The following PARD3B variants were observed in gnomAD, a reference collection of about 807,000 sequenced individuals.
PARD3B encodes par-3 family cell polarity regulator beta.
Under a neutral mutation model 130.2 loss-of-function variants are expected in PARD3B, and 103 were observed. The observed-to-expected ratio is 0.79, with a 90% confidence interval of 0.67 to 0.93. The LOEUF (loss-of-function observed/expected upper bound fraction) is 0.93. Among genes scored for constraint, PARD3B ranks in the 40% least tolerant of loss-of-function variants. The probability of loss-of-function intolerance (pLI) is 0.00; values close to 1 mark genes in which losing one functional copy is unlikely to be tolerated. For missense variants in PARD3B, 1,609 were observed against 1,499.2 expected (o/e 1.07, Z -1.21); for synonymous variants, 583 against 553.2 (o/e 1.05, Z -0.76).
chr2:205,084,648 G>A (rs928732096), intron 4 of PARD3B, among the ~76,000 whole-genome samples: 29 of 151,872 alleles, frequency 1.9e-4, no homozygotes, highest in African/African-American at 5.8e-4. Context: ...TGTTATGTAT[G>A]TTGTTTAGGT....
intron 19 of PARD3B, among the ~76,000 whole-genome samples, chr2:205,410,330 T>G (rs568934897): frequency 2.0e-5 from 3 of 152,302 alleles, no homozygotes; most frequent in African/African-American, 7.2e-5. Flanking sequence ...GAGAAGAGCA[T>G]TTTCTGTGAA....
At chr2:205,013,109 C>A (rs1207726332) in intron 3 of PARD3B, among the ~76,000 whole-genome samples, 8 of 152,200 alleles carry the variant, frequency 5.3e-5, no homozygotes, top group Non-Finnish European at 1.5e-5. Flanking sequence ...CTTTCCTCTC[C>A]CTTCTTGATT....
At chr2:205,169,197 C>A (rs1312335103) in intron 11 of PARD3B, among the ~76,000 whole-genome samples, 2 of 152,112 alleles carry the variant, frequency 1.3e-5, no homozygotes, top group African/African-American at 4.8e-5. Context: ...ACACCAATAA[C>A]AACAGACCAG....
chr2:204,971,488 A>G (rs994511815), intron 3 of PARD3B, among the ~76,000 whole-genome samples: 9 of 152,222 alleles, frequency 5.9e-5, no homozygotes, highest in Non-Finnish European at 1.5e-5. Flanking sequence ...AATTGCGTAG[A>G]TGAATTCATA....
Position 204,640,930 on chromosome 2 carries a change from G to C in PARD3B, c.121-45251G>C, listed in dbSNP as rs900648344. Among the ~76,000 whole-genome samples, 20 of 147,354 alleles carry C rather than the reference G, an allele frequency of 1.4e-4. No individual in the cohort carries two copies. The South Asian group carries it at 4.2e-3, about 31-fold the overall frequency. On this transcript the variant is annotated intron_variant, in intron 1 of 22. Transcript: ENST00000406610. ...TATATATATATTTACTATATATAATGTATATTTACTATGTATAATATATTT... is the reference window on the plus strand; with the variant it reads ...TATATATATATTTACTATATATAATCTATATTTACTATGTATAATATATTT...
At chr2:204,884,453 CT>C (rs2046196638) in intron 2 of PARD3B, among the ~76,000 whole-genome samples, 1 of 152,200 alleles carries the variant, frequency 6.6e-6, no homozygotes, top group African/African-American at 2.4e-5. Context: ...AGAATGTTCT[CT>C]TTTTTTCAAC....
At chr2:205,304,528 G>A (rs953012525) in intron 18 of PARD3B, among the ~76,000 whole-genome samples, 1 of 151,746 alleles carries the variant, frequency 6.6e-6, no homozygotes, top group Non-Finnish European at 1.5e-5. Flanking sequence ...CCAGCTACTC[G>A]GGAGGCTGAG....
At chr2:204,696,104 G>A (rs901924142) in intron 2 of PARD3B, among the ~76,000 whole-genome samples, 4 of 152,004 alleles carry the variant, frequency 2.6e-5, no homozygotes, top group South Asian at 4.2e-4. Flanking sequence ...GAGTAACAGC[G>A]GGTTCTATAA....
chr2:205,150,252 T>TGTGTGTGTGC (rs375301293), intron 10 of PARD3B, among the ~76,000 whole-genome samples: 19 of 145,886 alleles, frequency 1.3e-4, no homozygotes, highest in African/African-American at 4.6e-4. Flanking sequence ...TGTGTGTGTG[T>TGTGTGTGTGC]GCACACACGC....
chr2:205,454,444 C>T (rs570461022), intron 20 of PARD3B, among the ~76,000 whole-genome samples: 4 of 151,986 alleles, frequency 2.6e-5, no homozygotes, highest in African/African-American at 4.8e-5. Context: ...TTTAAGGAGA[C>T]GTTTTAATAT....
intron 4 of PARD3B, among the ~76,000 whole-genome samples, chr2:205,067,375 GCTGGCCTCAAACTC>G (rs1700460867): frequency 6.6e-6 from 1 of 151,868 alleles, no homozygotes; most frequent in Non-Finnish European, 1.5e-5. Flanking sequence ...GGTTGCATAG[GCTGGCCTCAAACTC>G]CTGGCCTCAA....
chr2:204,999,805 G>T (rs1694671946), intron 3 of PARD3B, among the ~76,000 whole-genome samples: 1 of 152,170 alleles, frequency 6.6e-6, no homozygotes, highest in African/African-American at 2.4e-5. Flanking sequence ...GAAGCAAGTG[G>T]TACCTGATAT....
Position 205,015,564 on chromosome 2 carries a change from T to TG in PARD3B, c.395-32013dup, listed in dbSNP as rs34167541. On this transcript the variant is annotated intron_variant, in intron 3 of 22. Transcript: ENST00000406610. This position sits in a 1 kb window ranked among gnomAD's most constrained non-coding sequence, Gnocchi z 4.5. ...CAACAAACAGGTATTGGATGATAGT[T>TG]GGGGAATTGAGTGAGTGAACTAATG... Among the ~76,000 whole-genome samples, 1 of 152,182 alleles carries TG rather than the reference T, an allele frequency of 6.6e-6. No homozygotes were observed. The highest frequency in any genetic ancestry group is 1.5e-5 in the Non-Finnish European group (1 of 68,034).
chr2:205,306,358 T>C (rs1395085705), intron 18 of PARD3B, among the ~76,000 whole-genome samples: 4 of 149,058 alleles, frequency 2.7e-5, no homozygotes, highest in Admixed American at 1.3e-4. Context: ...TATGATATCA[T>C]AGTAATGTAT....
chr2:205,186,206 G>A (rs895231596), intron 14 of PARD3B, among the ~76,000 whole-genome samples: 4 of 151,812 alleles, frequency 2.6e-5, no homozygotes, highest in African/African-American at 9.7e-5. Context: ...AAAATAGGAA[G>A]CTTATGGGTT....
At chr2:205,357,607 T>C (rs149167992) in intron 18 of PARD3B, among the ~76,000 whole-genome samples, 252 of 152,152 alleles carry the variant, frequency 1.7e-3, no homozygotes, top group African/African-American at 5.8e-3. Context: ...TTCTGAAGTT[T>C]TGGAACGAAA....
intron 15 of PARD3B, among the ~76,000 whole-genome samples, chr2:205,207,592 C>T (rs2037390952): frequency 7.0e-6 from 1 of 142,678 alleles, no homozygotes; most frequent in South Asian, 2.2e-4. Context: ...ACAAACACCT[C>T]TACACAAATA....
rs140876110 is a variant in PARD3B at position 205,147,618 on chromosome 2, A to G, written c.1435-11104A>G. On this transcript the variant is annotated intron_variant, in intron 10 of 22. Coordinates refer to ENST00000406610, the MANE Select transcript of PARD3B (RefSeq NM_001302769.2). ...TTCATGGGGATGGGTTTTTAAAAAC[A>G]TGAAAAAAAATGTCTGAATTATAAA... Among the ~76,000 whole-genome samples, 475 of 152,268 alleles carry G rather than the reference A, an allele frequency of 3.1e-3. 4 individuals carry two copies. The highest frequency in any genetic ancestry group is 0.011 in the African/African-American group (458 of 41,558).
At chr2:204,728,095 C>T (rs890711888) in intron 2 of PARD3B, among the ~76,000 whole-genome samples, 1 of 152,146 alleles carries the variant, frequency 6.6e-6, no homozygotes, top group Non-Finnish European at 1.5e-5. Flanking sequence ...AATTGTCCTA[C>T]CTCACTTTCA....
Sources: gnomAD v4.1 joint callset for allele counts (sites outside exome capture counted in the v4.1 genomes callset) on GRCh38, gnomAD v4.1.1 for gene constraint, Gnocchi (gnomAD v3.1) non-coding constraint, MANE v1.5 for transcripts, NCBI Gene and HGNC (gene_info 2026-07-23, HGNC 2026-07-21) for gene names.